DPF3: variants seen among roughly 807,000 people sequenced by gnomAD.
DPF3 encodes double PHD fingers 3.
DPF3 carries 18 observed loss-of-function variants against 56.8 expected under a neutral mutation model. That is an observed-to-expected ratio of 0.32 (90% CI 0.22 to 0.47). The LOEUF (loss-of-function observed/expected upper bound fraction) is 0.47, where lower values mean the gene tolerates loss of function less well. DPF3 is among the 20% of genes least tolerant of loss of function. The probability of loss-of-function intolerance (pLI) is 1.00; values close to 1 mark genes in which losing one functional copy is unlikely to be tolerated. For missense variants in DPF3, 403 were observed against 488.8 expected (o/e 0.82, Z 1.65); for synonymous variants, 188 against 180.2 (o/e 1.04, Z -0.35).
chr14:72,711,090 A>T (rs1294595404), intron 6 of DPF3, among the ~76,000 whole-genome samples: 1 of 152,244 alleles, frequency 6.6e-6, no homozygotes, highest in Non-Finnish European at 1.5e-5. Flanking sequence ...AATGCATTCC[A>T]GGAAGGGTTA....
At chr14:72,717,767 G>A (rs1204967123) in intron 5 of DPF3, among the ~76,000 whole-genome samples, 1 of 152,242 alleles carries the variant, frequency 6.6e-6, no homozygotes, top group East Asian at 1.9e-4. Context: ...AGGGCCAGCA[G>A]AAGGAGCAGG....
At chr14:72,624,433 G>T (rs1884689537) in intron 9 of DPF3, among the ~76,000 whole-genome samples, 1 of 146,440 alleles carries the variant, frequency 6.8e-6, no homozygotes, top group Non-Finnish European at 1.5e-5. Flanking sequence ...CCTTCTCCCG[G>T]GCTCAAGCAA....
chr14:72,709,869 C>T (rs1394941533), intron 6 of DPF3, among the ~76,000 whole-genome samples: 1 of 152,204 alleles, frequency 6.6e-6, no homozygotes, highest in Non-Finnish European at 1.5e-5. Context: ...TCTACACACC[C>T]TAAGCACCTA....
At chr14:72,670,635 TTCTCTCTCTCTC>T (rs140358812) in intron 8 of DPF3, 2 of 934,890 alleles carry the variant, frequency 2.1e-6, no homozygotes, top group Admixed American at 6.2e-5. Context: ...TTGATTTCCC[TTCTCTCTCTCTC>T]TCTCTCTCTC....
chr14:72,679,232 G>A (rs937521617), intron 7 of DPF3: 2 of 152,268 alleles, frequency 1.3e-5, no homozygotes, highest in South Asian at 4.1e-4. Context: ...GACTGGCAGG[G>A]ACAAACCAGC....
In DPF3 at chr14:72,670,534, C is replaced by T. The variant is rs536959888; in HGVS notation, c.871+3706G>A. 7 of 950,964 alleles carry T rather than the reference C, an allele frequency of 7.4e-6. No individual in the cohort carries two copies. Among genetic ancestry groups the T allele is most frequent in the East Asian group, 3.8e-4 (2 of 5,284 alleles). 58.9% of individuals were successfully genotyped at this position (950,964 alleles called of 1,614,324 possible). ...GTCTGCCGCGGGGAGCCGCAAACTC[C>T]GTGGGGCACAGAATAGTGCAACCGT... is the stretch of plus-strand genomic sequence containing the variant. On this transcript the variant is annotated intron_variant, in intron 8 of 10. Coordinates refer to ENST00000556509, the MANE Select transcript of DPF3 (RefSeq NM_001280542.3).
At chr14:72,866,622 CGAG>C (rs1422046016) in intron 1 of DPF3, among the ~76,000 whole-genome samples, 4 of 150,190 alleles carry the variant, frequency 2.7e-5, no homozygotes, top group Admixed American at 2.6e-4. Context: ...TTTGGGAGGC[CGAG>C]GAGGGCGGAT....
chr14:72,638,347 T>C lies in DPF3; in HGVS notation c.872-8611A>G, dbSNP rs928081032. 2.6e-5 allele frequency among the ~76,000 whole-genome samples: 4 copies of C among 152,324 alleles called. 1 individual carries two copies. Among genetic ancestry groups the C allele is most frequent in the Admixed American group, 2.6e-4 (4 of 15,310 alleles). On this transcript the variant is annotated intron_variant, in intron 8 of 10. Coordinates refer to ENST00000556509, the MANE Select transcript of DPF3 (RefSeq NM_001280542.3). ...TGACATTTGCTGTGCATTCCAGGCC[T>C]CTCTGGACCTCAGGAGCATCCAACC... is the stretch of plus-strand genomic sequence containing the variant.
intron 6 of DPF3, among the ~76,000 whole-genome samples, chr14:72,705,161 C>T (rs1363579829): frequency 6.6e-6 from 1 of 152,180 alleles, no homozygotes; most frequent in East Asian, 1.9e-4. Context: ...AGCTGCTCCT[C>T]ATCACTCGCA....
At chr14:72,834,497 A>C (rs893988217) in intron 1 of DPF3, among the ~76,000 whole-genome samples, 9 of 149,382 alleles carry the variant, frequency 6.0e-5, no homozygotes, top group Admixed American at 1.3e-4. Context: ...ACTGTCTCAA[A>C]AAAAAAAAAA....
At chr14:72,872,078 G>A (rs563724794) in intron 1 of DPF3, among the ~76,000 whole-genome samples, 25 of 152,328 alleles carry the variant, frequency 1.6e-4, no homozygotes, top group African/African-American at 5.8e-4. Flanking sequence ...CCACATAGAA[G>A]CTGCCAACGC....
chr14:72,683,392 G>A (rs1887252943), intron 7 of DPF3, among the ~76,000 whole-genome samples: 1 of 151,804 alleles, frequency 6.6e-6, no homozygotes, highest in Non-Finnish European at 1.5e-5. Context: ...CTGGGGGTGG[G>A]ATCCAGTGGG....
chr14:72,884,971 T>TATGTATATATATATATATATATATATATA (rs10523148), intron 1 of DPF3, among the ~76,000 whole-genome samples: 1 of 111,684 alleles, frequency 9.0e-6, no homozygotes, highest in Non-Finnish European at 1.9e-5. Context: ...TATATATATA[T>TATGTATATATATATATATATATATATATA]TAGCCGGGCG....
At chr14:72,892,559 T>C (rs1219299793) in intron 1 of DPF3, 1 of 1,341,338 alleles carries the variant, frequency 7.5e-7, no homozygotes, top group African/African-American at 1.5e-5. Context: ...CGATTCTCCC[T>C]GTGCATTCCT....
At chr14:72,764,503 T>G (rs1338063037) in intron 2 of DPF3, among the ~76,000 whole-genome samples, 1 of 138,674 alleles carries the variant, frequency 7.2e-6, no homozygotes, top group African/African-American at 2.8e-5. Context: ...TTTTTTTTTT[T>G]TTTTTTTTTT....
At chr14:72,643,332 G>A (rs1328704446) in intron 8 of DPF3, among the ~76,000 whole-genome samples, 1 of 152,154 alleles carries the variant, frequency 6.6e-6, no homozygotes, top group Non-Finnish European at 1.5e-5. Context: ...GTCCCCTCAG[G>A]CCCCTTTAAG....
rs59586674 is a variant in DPF3 at position 72,769,678 on chromosome 14, C to CAAAA, written c.193+2051_193+2054dup. Among the ~76,000 whole-genome samples, 150 of 42,596 alleles carry CAAAA rather than the reference C, an allele frequency of 3.5e-3. 3 individuals carry two copies. The highest frequency in any genetic ancestry group is 0.011 in the African/African-American group (140 of 12,912). 27.9% of individuals were successfully genotyped at this position (42,596 alleles called of 152,430 possible). A position where few individuals can be genotyped will look rare whatever the true frequency, so the allele number is the denominator to read the frequency against. ...CTGGCTACTGAGTGAGACTCCATCT[C>CAAAA]AAAAAAAAAAAAAAAAAAAAACACA... On this transcript the variant is annotated intron_variant, in intron 2 of 10. Transcript: ENST00000556509.
chr14:72,812,623 C>T (rs984016200), intron 1 of DPF3, among the ~76,000 whole-genome samples: 1 of 152,042 alleles, frequency 6.6e-6, no homozygotes, highest in Admixed American at 6.5e-5. Flanking sequence ...ACGGAGAGTA[C>T]GCTGGGCCCG....
intron 2 of DPF3, among the ~76,000 whole-genome samples, chr14:72,770,663 T>C (rs1891486520): frequency 6.6e-6 from 1 of 152,136 alleles, no homozygotes; most frequent in African/African-American, 2.4e-5. Context: ...TGACCATGAG[T>C]TGAACATTGT....
Sources: allele counts gnomAD v4.1 joint callset (sites outside exome capture counted in the v4.1 genomes callset), GRCh38; gene constraint gnomAD v4.1.1; transcripts MANE v1.5; gene names NCBI Gene and HGNC (gene_info 2026-07-23, HGNC 2026-07-21).